Variants in FBXL17 observed in about 807,000 individuals in gnomAD.
FBXL17 encodes F-box/LRR-repeat protein 17.
A neutral mutation model predicts 66.2 loss-of-function variants in FBXL17; 22 were observed. The observed-to-expected ratio is 0.33, with a 90% CI of 0.24 to 0.47. The LOEUF (loss-of-function observed/expected upper bound fraction) is 0.47, where lower values mean the gene tolerates loss of function less well. Among genes scored for constraint, FBXL17 ranks in the 20% least tolerant of loss-of-function variants. FBXL17 has a pLI of 1.00. For missense variants in FBXL17, 878 were observed against 948.2 expected (o/e 0.93, Z 0.97); for synonymous variants, 474 against 400.5 (o/e 1.18, Z -2.19).
intron 8 of FBXL17, among the ~76,000 whole-genome samples, chr5:107,866,880 G>C (rs1031408149): frequency 2.6e-5 from 4 of 152,092 alleles, no homozygotes; most frequent in African/African-American, 9.7e-5. Flanking sequence ...TAGTCCTATA[G>C]GCACTGTCTG....
chr5:108,317,910 TA>T (rs1008386888), intron 4 of FBXL17, among the ~76,000 whole-genome samples: 2 of 151,594 alleles, frequency 1.3e-5, no homozygotes, highest in Non-Finnish European at 3.0e-5. Context: ...ATGAAGCTAC[TA>T]TTTTTATTAG....
intron 6 of FBXL17, among the ~76,000 whole-genome samples, chr5:108,059,747 C>A (rs116180438): frequency 1.3e-5 from 2 of 152,096 alleles, no homozygotes; most frequent in African/African-American, 2.4e-5. Flanking sequence ...TTATTCCAGG[C>A]AGGTTTATGT....
chr5:108,209,209 G>C (rs2150058439), intron 5 of FBXL17, among the ~76,000 whole-genome samples: 1 of 152,242 alleles, frequency 6.6e-6, no homozygotes, highest in South Asian at 2.1e-4. Context: ...AGGAGATTTT[G>C]GGCTGAGATG....
intron 7 of FBXL17, among the ~76,000 whole-genome samples, chr5:107,886,301 C>T (rs774884862): frequency 2.0e-5 from 3 of 152,144 alleles, no homozygotes; most frequent in Non-Finnish European, 4.4e-5. Context: ...TACACAGATA[C>T]ATAGATAGCT....
intron 6 of FBXL17, among the ~76,000 whole-genome samples, chr5:108,023,232 T>A (rs1754665731): frequency 1.3e-5 from 2 of 152,140 alleles, no homozygotes; most frequent in Admixed American, 1.3e-4. Context: ...AAGTAAAAAT[T>A]CATGGAGACA....
intron 7 of FBXL17, among the ~76,000 whole-genome samples, chr5:107,944,957 T>C (rs543860082): frequency 1.3e-4 from 20 of 152,034 alleles, no homozygotes; most frequent in African/African-American, 4.6e-4. Flanking sequence ...TTCATTGAGA[T>C]AACATAATAA....
At chr5:107,977,464 G>A (rs1165875700) in intron 7 of FBXL17, among the ~76,000 whole-genome samples, 1 of 152,172 alleles carries the variant, frequency 6.6e-6, no homozygotes, top group Non-Finnish European at 1.5e-5. Flanking sequence ...CTCGGAAAAG[G>A]TTAGTCTTGC....
At chr5:108,127,810 AT>A (rs1317074579) in intron 6 of FBXL17, among the ~76,000 whole-genome samples, 5 of 152,224 alleles carry the variant, frequency 3.3e-5, no homozygotes, top group African/African-American at 1.2e-4. Context: ...TTAAGAATTA[AT>A]TTTTTAATAT....
At chr5:107,977,051 G>A (rs79189715) in intron 7 of FBXL17, among the ~76,000 whole-genome samples, 1,549 of 152,196 alleles carry the variant, frequency 0.01, 22 homozygotes, top group African/African-American at 0.035. Context: ...TATGCTTATC[G>A]CTTGCCACTA....
chr5:107,924,126 C>T (rs1750417894), intron 7 of FBXL17, among the ~76,000 whole-genome samples: 1 of 141,378 alleles, frequency 7.1e-6, no homozygotes, highest in African/African-American at 2.7e-5. Flanking sequence ...TAGACTTGAA[C>T]TCCTGGGCTC....
chr5:108,312,222 T>A (rs1217151836), intron 4 of FBXL17, among the ~76,000 whole-genome samples: 1 of 152,090 alleles, frequency 6.6e-6, no homozygotes, highest in East Asian at 1.9e-4. Flanking sequence ...AGAATAAGCA[T>A]CCCTAGTCTC....
chr5:108,236,976 A>T (rs2966793), intron 4 of FBXL17, among the ~76,000 whole-genome samples: 11 of 151,958 alleles, frequency 7.2e-5, no homozygotes, highest in Admixed American at 1.3e-4. Context: ...GAGTCTGTGG[A>T]ATAGTTTGGT....
intron 6 of FBXL17, among the ~76,000 whole-genome samples, chr5:108,118,404 G>A (rs886571538): frequency 6.6e-6 from 1 of 152,108 alleles, no homozygotes; most frequent in Non-Finnish European, 1.5e-5. Flanking sequence ...ATCTACCCAG[G>A]TGCTCAAGCT....
chr5:108,335,592 G>T (rs1464798909), intron 4 of FBXL17, among the ~76,000 whole-genome samples: 1 of 152,000 alleles, frequency 6.6e-6, no homozygotes, highest in Non-Finnish European at 1.5e-5. Flanking sequence ...TAACAGAAAG[G>T]GGGAAGGTAC....
chr5:108,189,858 G>C (rs1016488781), intron 5 of FBXL17, among the ~76,000 whole-genome samples: 8 of 152,160 alleles, frequency 5.3e-5, no homozygotes, highest in South Asian at 4.1e-4. Flanking sequence ...CTGAGGGCCA[G>C]CAAGAAAATA....
At chr5:107,903,853 A>T (rs1049280971) in intron 7 of FBXL17, among the ~76,000 whole-genome samples, 1 of 152,046 alleles carries the variant, frequency 6.6e-6, no homozygotes, top group African/African-American at 2.4e-5. Context: ...TTCAGAATCA[A>T]TTTTCCTCTG....
intron 3 of FBXL17, among the ~76,000 whole-genome samples, chr5:108,357,011 T>C (rs1748043689): frequency 6.6e-6 from 1 of 151,970 alleles, no homozygotes; most frequent in South Asian, 2.1e-4. Context: ...CAAAAGAGCA[T>C]TCACAAAAAT....
chr5:108,026,770 A>T (rs1029593836), intron 6 of FBXL17, among the ~76,000 whole-genome samples: 2 of 152,238 alleles, frequency 1.3e-5, no homozygotes, highest in African/African-American at 2.4e-5. Context: ...CTTAAACAAT[A>T]GCAAACCGAT....
At chr5:108,083,582 T>TC (rs1430026548) in intron 6 of FBXL17, among the ~76,000 whole-genome samples, 1 of 151,460 alleles carries the variant, frequency 6.6e-6, no homozygotes, top group East Asian at 1.9e-4. Flanking sequence ...TTTTTTTTTT[T>TC]TTTTTGGTAG....
Sources: allele counts gnomAD v4.1 joint callset (sites outside exome capture counted in the v4.1 genomes callset), GRCh38; gene constraint gnomAD v4.1.1; transcripts MANE v1.5; gene names NCBI Gene and HGNC (gene_info 2026-07-23, HGNC 2026-07-21).